Variants in GRTP1 observed in about 807,000 individuals in gnomAD.
GRTP1 encodes growth hormone-regulated TBC protein 1.
Under a neutral mutation model 38.1 loss-of-function variants are expected in GRTP1, and 56 were observed. That is an observed-to-expected ratio of 1.47 (90% CI 1.19 to 1.84). The LOEUF (loss-of-function observed/expected upper bound fraction) is 1.84, where lower values mean the gene tolerates loss of function less well. Among genes scored for constraint, GRTP1 ranks in the 40% most tolerant of loss-of-function variants. The pLI, the probability that GRTP1 is intolerant of heterozygous loss-of-function variation, is 0.00. For missense variants in GRTP1, 506 were observed against 453.9 expected (o/e 1.11, Z -1.04); for synonymous variants, 217 against 189.5 (o/e 1.14, Z -1.19).
At position 113,324,883 on chromosome 13, in the gene GRTP1, G is replaced by A. The variant is rs2042736398; in HGVS notation, c.922-306C>T. 20 of 894,996 alleles carry A rather than the reference G, an allele frequency of 2.2e-5. No individual in the cohort carries two copies. The South Asian group carries it at 3.9e-4, about 17-fold the overall frequency. The allele number at this position is 894,996 out of a possible 1,614,324, so 55.4% of individuals were successfully genotyped here. On this transcript the variant is annotated intron_variant, in intron 7 of 7. Transcript: ENST00000375431. ...ACTCTGTTGCCCAGGCTGGAGTGCAGTGGCGCGATCTCGGCTCACTGCAAC... is the reference window on the plus strand; with the variant it reads ...ACTCTGTTGCCCAGGCTGGAGTGCAATGGCGCGATCTCGGCTCACTGCAAC...
At chr13:113,333,838 A>ATTTATTTATTTAGT (rs749095615) in intron 5 of GRTP1, among the ~76,000 whole-genome samples, 3 of 23,600 alleles carry the variant, frequency 1.3e-4, no homozygotes, top group African/African-American at 2.0e-4. Flanking sequence ...TTATTTATTT[A>ATTTATTTATTTAGT]GTGTGTGTGT....
chr13:113,353,557 G>T (rs527265850), intron 3 of GRTP1, among the ~76,000 whole-genome samples: 1 of 152,296 alleles, frequency 6.6e-6, no homozygotes, highest in African/African-American at 2.4e-5. Flanking sequence ...AGTTGCCAAA[G>T]CACGGAGACA....
chr13:113,331,554 C>G (rs1188446529), intron 5 of GRTP1, among the ~76,000 whole-genome samples: 1 of 151,860 alleles, frequency 6.6e-6, no homozygotes, highest in South Asian at 2.1e-4. Flanking sequence ...GAGAAGACTT[C>G]GGCGTGGCAC....
intron 5 of GRTP1, among the ~76,000 whole-genome samples, chr13:113,332,225 C>G (rs1034374862): frequency 1.3e-5 from 2 of 151,720 alleles, no homozygotes; most frequent in African/African-American, 2.4e-5. Flanking sequence ...CCTATCTGCA[C>G]GCACACCACA....
intron 4 of GRTP1, among the ~76,000 whole-genome samples, chr13:113,347,616 G>A (rs1356827816): frequency 1.4e-5 from 1 of 70,596 alleles, no homozygotes. Context: ...GGACCTCTGT[G>A]GCTGAGAGCG....
At chr13:113,345,102 T>G in intron 4 of GRTP1, 143 bp from the exon 5 acceptor site, 1 of 871,306 alleles carries the variant, frequency 1.1e-6, no homozygotes, top group Non-Finnish European at 1.7e-6. Context: ...GATCCTTTAG[T>G]AGAACTCTAG....
At chr13:113,352,339 A>T (rs1471785500) in intron 3 of GRTP1, among the ~76,000 whole-genome samples, 6 of 116,914 alleles carry the variant, frequency 5.1e-5, no homozygotes, top group East Asian at 4.6e-4. Context: ...TATATATTTT[A>T]TATATATATT....
chr13:113,327,976 G>A (rs750490367), intron 5 of GRTP1, among the ~76,000 whole-genome samples: 27 of 152,306 alleles, frequency 1.8e-4, no homozygotes, highest in Non-Finnish European at 1.3e-4. Context: ...AGGCTGAGCC[G>A]GCCACCAAGG....
chr13:113,324,877 A>T, intron 7 of GRTP1: 1 of 943,412 alleles, frequency 1.1e-6, no homozygotes. Flanking sequence ...CCCAGGCTGG[A>T]GTGCAGTGGC....
chr13:113,342,298 G>T lies in GRTP1; in HGVS notation c.562+2565C>A, dbSNP rs1034092628. Among the ~76,000 whole-genome samples the T allele has an allele frequency of 3.9e-5, 6 of 152,040 alleles. No individual in the cohort carries two copies. Among genetic ancestry groups the T allele is most frequent in the Admixed American group, 3.9e-4 (6 of 15,252 alleles). On this transcript the variant is annotated intron_variant, in intron 5 of 7. Transcript: ENST00000375431. This position sits in a 1 kb window ranked among gnomAD's most constrained non-coding sequence, Gnocchi z 4.5. ...AGGCAGGCGGATCACGAGGTCAGGA[G>T]ATCGAGACCATCCTGGCTAACACGG...
rs184642740 is a variant in GRTP1 at position 113,339,925 on chromosome 13, G to A, written c.562+4938C>T. On this transcript the variant is annotated intron_variant, in intron 5 of 7. Coordinates refer to ENST00000375431, the MANE Select transcript of GRTP1 (RefSeq NM_024719.4). ...ATTACATACTTCTATTCATCAGTGA[G>A]ATTAGTCTGTATGGTGTGAAGGCTA... The A allele has an allele frequency of 4.6e-5, 7 of 152,324 alleles. No individual in the cohort carries two copies. In the East Asian group the frequency reaches 1.3e-3, roughly 29 times the overall value. The allele number at this position is 152,324 out of a possible 1,614,324, so 9.4% of individuals were successfully genotyped here. A position where few individuals can be genotyped will look rare whatever the true frequency, so the allele number is the denominator to read the frequency against.
Position 113,355,490 on chromosome 13 carries a change from C to T in GRTP1, c.182-9G>A, listed in dbSNP as rs746335382. On this transcript the variant is annotated splice_polypyrimidine_tract_variant and intron_variant, in intron 2 of 7. Coordinates refer to ENST00000375431, the MANE Select transcript of GRTP1 (RefSeq NM_024719.4). ...CCGGACATAGCGCTTCACTGAAGGCCGAGAGGACGGACAGCGTGTGAGCTG... is the reference window on the plus strand; with the variant it reads ...CCGGACATAGCGCTTCACTGAAGGCTGAGAGGACGGACAGCGTGTGAGCTG... 5.0e-6 allele frequency: 8 copies of T among 1,603,462 alleles called. No individual in the cohort carries two copies. The highest frequency in any genetic ancestry group is 6.8e-6 in the Non-Finnish European group (8 of 1,172,964).
chr13:113,363,625 G>T, intron 2 of GRTP1, 137 bp downstream of exon 2: 1 of 907,566 alleles, frequency 1.1e-6, no homozygotes, highest in Non-Finnish European at 1.6e-6. Context: ...GCCCTAGCTC[G>T]GAGCCCGCAG....
intron 5 of GRTP1, among the ~76,000 whole-genome samples, chr13:113,341,733 C>T (rs2043028822): frequency 6.6e-6 from 1 of 152,198 alleles, no homozygotes; most frequent in Non-Finnish European, 1.5e-5. Flanking sequence ...TCTGGAAATA[C>T]ATACATCAGA....
chr13:113,325,736 G>A lies in GRTP1; in HGVS notation c.846C>T (p.Ser282=), dbSNP rs770695889. Residue 282 remains serine, a synonymous_variant, in exon 7 of 8, where the codon AGC becomes AGT. Coordinates refer to ENST00000375431, the MANE Select transcript of GRTP1 (RefSeq NM_024719.4). Reference sequence around the variant, plus strand: ...TAAACTTATCGCAAATGTCTGGAACGCTGGTGGCTTCCAAAATCAACTCCT... The same window carrying A: ...TAAACTTATCGCAAATGTCTGGAACACTGGTGGCTTCCAAAATCAACTCCT... ...QHQELILEAT[S]VPDICDKFKQ... is the part of the protein sequence containing the mutation. The A allele has an allele frequency of 5.6e-6, 9 of 1,614,182 alleles. No homozygotes were observed. The highest frequency in any genetic ancestry group is 3.3e-5 in the South Asian group (3 of 91,086).
rs2043255422 is a variant in GRTP1, at chr13:113,350,957, G to C, written c.357C>G (p.Phe119Leu). The C allele has an allele frequency of 6.2e-7, 1 of 1,613,856 alleles. No homozygotes were observed. The highest frequency in any genetic ancestry group is 1.1e-5 in the South Asian group (1 of 91,074). ...DAIRTDLNRT[F>L]PDNVKFRKTT... ...TCTTCCGGAACTTCACGTTGTCGGG[G>C]AAGGTCCGGTTCAGGTCTGTGGGAA... is the stretch of plus-strand genomic sequence containing the variant. The change falls in exon 4 of 8, where the codon TTC (phenylalanine) becomes TTG (leucine). Residue 119 changes from phenylalanine (F) to leucine (L), a missense_variant. Phe to Leu is a conservative substitution (Grantham distance 22). Transcript: ENST00000375431.
Position 113,355,493 on chromosome 13 carries a change from G to T in GRTP1, c.182-12C>A, listed in dbSNP as rs2043369240. The T allele has an allele frequency of 4.4e-6, 7 of 1,603,026 alleles. No individual in the cohort carries two copies. The East Asian group carries it at 1.6e-4, about 36-fold the overall frequency. On this transcript the variant is annotated splice_polypyrimidine_tract_variant and intron_variant, in intron 2 of 7. Coordinates refer to ENST00000375431, the MANE Select transcript of GRTP1 (RefSeq NM_024719.4). ...GACATAGCGCTTCACTGAAGGCCGA[G>T]AGGACGGACAGCGTGTGAGCTGGAC...
At position 113,347,564 on chromosome 13, in the gene GRTP1, G is replaced by A. The variant is rs1366934496; in HGVS notation, c.466-2605C>T. ...TCCGGGAGGACCTCTGTGGCAGAGA[G>A]CAGACCCAGGAGGACCTCTGTGGCT... is the stretch of plus-strand genomic sequence containing the variant. On this transcript the variant is annotated intron_variant, in intron 4 of 7. Coordinates refer to ENST00000375431, the MANE Select transcript of GRTP1 (RefSeq NM_024719.4). Among the ~76,000 whole-genome samples the A allele has an allele frequency of 4.5e-4, 33 of 72,960 alleles. 1 individual carries two copies. Among genetic ancestry groups the A allele is most frequent in the Middle Eastern group, 8.1e-3 (1 of 124 alleles). 47.9% of individuals were successfully genotyped at this position (72,960 alleles called of 152,430 possible). A position where few individuals can be genotyped will look rare whatever the true frequency, so the allele number is the denominator to read the frequency against.
intron 3 of GRTP1, among the ~76,000 whole-genome samples, chr13:113,354,347 C>T (rs1199737891): frequency 6.6e-6 from 1 of 152,182 alleles, no homozygotes; most frequent in Non-Finnish European, 1.5e-5. Flanking sequence ...CAGGAGACCC[C>T]CAGGAAGGGC....
Sources: allele counts gnomAD v4.1 joint callset (sites outside exome capture counted in the v4.1 genomes callset), GRCh38; gene constraint gnomAD v4.1.1; non-coding constraint Gnocchi (gnomAD v3.1); transcripts MANE v1.5; gene names NCBI Gene and HGNC (gene_info 2026-07-23, HGNC 2026-07-21).